Variants in SLC9A9 observed in about 807,000 individuals in gnomAD.
SLC9A9 encodes solute carrier family 9 member A9, also known as sodium/hydrogen exchanger 9.
SLC9A9 carries 62 observed loss-of-function variants against 77.8 expected under a neutral mutation model. That is an observed-to-expected ratio of 0.80 (90% CI 0.65 to 0.98). The LOEUF (loss-of-function observed/expected upper bound fraction) is 0.98. Among genes scored for constraint, SLC9A9 ranks in the 50% least tolerant of loss-of-function variants. SLC9A9 has a pLI of 0.00. For missense variants in SLC9A9, 775 were observed against 774.9 expected (o/e 1.00, Z 0.00); for synonymous variants, 320 against 283.5 (o/e 1.13, Z -1.29).
At chr3:143,320,637 C>A (rs1160645542) in intron 14 of SLC9A9, among the ~76,000 whole-genome samples, 1 of 152,162 alleles carries the variant, frequency 6.6e-6, no homozygotes, top group Non-Finnish European at 1.5e-5. Context: ...TTGCTTATCA[C>A]CAAAGGGATG....
intron 4 of SLC9A9, among the ~76,000 whole-genome samples, chr3:143,775,923 G>C (rs1001318454): frequency 1.3e-5 from 2 of 152,096 alleles, no homozygotes; most frequent in Non-Finnish European, 2.9e-5. Flanking sequence ...GTGCCTTTAA[G>C]CACCGTTAAA....
intron 5 of SLC9A9, among the ~76,000 whole-genome samples, chr3:143,683,037 C>A (rs1320569283): frequency 6.6e-6 from 1 of 152,014 alleles, no homozygotes; most frequent in Non-Finnish European, 1.5e-5. Context: ...ATTTTGCCTA[C>A]CATGAAATTT....
At chr3:143,777,308 T>G (rs2007722726) in intron 4 of SLC9A9, among the ~76,000 whole-genome samples, 1 of 152,210 alleles carries the variant, frequency 6.6e-6, no homozygotes. Flanking sequence ...ATTCTAAGTA[T>G]CAAACTCTCT....
At chr3:143,351,420 T>C (rs1432580208) in intron 14 of SLC9A9, among the ~76,000 whole-genome samples, 1 of 152,240 alleles carries the variant, frequency 6.6e-6, no homozygotes, top group African/African-American at 2.4e-5. Flanking sequence ...ATCAGGGATT[T>C]AATCTGTAGT....
At chr3:143,373,605 T>TAAAAAAAAAAAA (rs67376157) in intron 13 of SLC9A9, among the ~76,000 whole-genome samples, 8 of 58,606 alleles carry the variant, frequency 1.4e-4, no homozygotes, top group Non-Finnish European at 1.8e-4. Flanking sequence ...ACTGAAATAG[T>TAAAAAAAAAAAA]AAAAAAAAAA....
At chr3:143,512,889 C>T (rs961144156) in intron 9 of SLC9A9, among the ~76,000 whole-genome samples, 2 of 152,098 alleles carry the variant, frequency 1.3e-5, no homozygotes. Flanking sequence ...AACAAACAAA[C>T]AAAACAAAGC....
intron 5 of SLC9A9, chr3:143,655,490 T>A: frequency 1.0e-6 from 1 of 985,448 alleles, no homozygotes; most frequent in Non-Finnish European, 1.2e-6. Flanking sequence ...TGTCTTTAAC[T>A]TACTTTAGTT....
intron 14 of SLC9A9, among the ~76,000 whole-genome samples, chr3:143,304,356 G>A (rs975337358): frequency 1.2e-4 from 18 of 152,180 alleles, no homozygotes; most frequent in African/African-American, 4.3e-4. Flanking sequence ...CCTAGGAGGC[G>A]CATATGTTTG....
chr3:143,570,880 T>G (rs893174481), intron 8 of SLC9A9, among the ~76,000 whole-genome samples: 7 of 152,202 alleles, frequency 4.6e-5, no homozygotes, highest in African/African-American at 1.7e-4. Context: ...GATTCTAAAT[T>G]TATTTCCTTC....
At chr3:143,517,965 T>A (rs1217270347) in intron 9 of SLC9A9, 14 of 1,458,766 alleles carry the variant, frequency 9.6e-6, no homozygotes, top group Non-Finnish European at 1.1e-5. Flanking sequence ...TCTGGTTCAA[T>A]CACACCTTCT....
chr3:143,333,874 T>C (rs895209029), intron 14 of SLC9A9, among the ~76,000 whole-genome samples: 1 of 151,268 alleles, frequency 6.6e-6, no homozygotes. Flanking sequence ...TCTTTCCAGT[T>C]GTTTTTTGTG....
At chr3:143,838,245 G>C (rs889007375) in intron 1 of SLC9A9, among the ~76,000 whole-genome samples, 1 of 152,224 alleles carries the variant, frequency 6.6e-6, no homozygotes, top group Non-Finnish European at 1.5e-5. Flanking sequence ...TCAAGGATGT[G>C]TAAGAGTTCA....
intron 12 of SLC9A9, among the ~76,000 whole-genome samples, chr3:143,426,491 A>T (rs768441071): frequency 6.6e-6 from 1 of 152,122 alleles, no homozygotes; most frequent in Non-Finnish European, 1.5e-5. Context: ...TTGATTCTCC[A>T]TTTCTGGAAA....
intron 14 of SLC9A9, among the ~76,000 whole-genome samples, chr3:143,304,112 A>G (rs2030662906): frequency 1.3e-5 from 2 of 152,234 alleles, no homozygotes; most frequent in African/African-American, 2.4e-5. Flanking sequence ...GGAATGGTGG[A>G]TAAGTCAAAT....
intron 14 of SLC9A9, among the ~76,000 whole-genome samples, chr3:143,300,152 C>T (rs997218879): frequency 6.6e-6 from 1 of 152,106 alleles, no homozygotes; most frequent in African/African-American, 2.4e-5. Context: ...GTCCTGGAAG[C>T]ATTAGTGTAA....
chr3:143,554,271 ATCT>A (rs1318821300), intron 8 of SLC9A9, among the ~76,000 whole-genome samples: 1 of 152,198 alleles, frequency 6.6e-6, no homozygotes, highest in Non-Finnish European at 1.5e-5. Flanking sequence ...TTTAATTTAC[ATCT>A]TCTTATTTAC....
At chr3:143,391,613 C>T (rs1045415979) in intron 12 of SLC9A9, among the ~76,000 whole-genome samples, 15 of 152,152 alleles carry the variant, frequency 9.9e-5, no homozygotes, top group Admixed American at 5.2e-4. Flanking sequence ...ATGACTTTGA[C>T]GAGTTGAGAG....
intron 14 of SLC9A9, among the ~76,000 whole-genome samples, chr3:143,332,298 CT>C (rs35976123): frequency 0.23 from 34,425 of 151,966 alleles, 4,158 homozygotes; most frequent in Middle Eastern, 0.35. Context: ...ATGTAGGGTT[CT>C]AAAAAACCTC....
intron 12 of SLC9A9, among the ~76,000 whole-genome samples, chr3:143,382,896 T>C (rs1425987681): frequency 6.6e-6 from 1 of 152,222 alleles, no homozygotes; most frequent in Non-Finnish European, 1.5e-5. Context: ...GTCTTTCCTC[T>C]AGCAAGACTG....
Sources: allele counts gnomAD v4.1 joint callset (sites outside exome capture counted in the v4.1 genomes callset), GRCh38; gene constraint gnomAD v4.1.1; transcripts MANE v1.5; gene names NCBI Gene and HGNC (gene_info 2026-07-23, HGNC 2026-07-21).